ZPBP: variants seen among roughly 807,000 people sequenced by gnomAD.
The protein encoded by ZPBP is zona pellucida-binding protein 1.
ZPBP carries 26 observed loss-of-function variants against 44.8 expected under a neutral mutation model. The observed-to-expected ratio is 0.58, with a 90% CI of 0.43 to 0.81. The LOEUF is 0.81. Among genes scored for constraint, ZPBP ranks in the 30% least tolerant of loss-of-function variants. The probability of loss-of-function intolerance (pLI) is 0.00; values close to 1 mark genes in which losing one functional copy is unlikely to be tolerated. For missense variants in ZPBP, 409 were observed against 434.0 expected (o/e 0.94, Z 0.51); for synonymous variants, 174 against 153.2 (o/e 1.14, Z -1.00).
intron 6 of ZPBP, among the ~76,000 whole-genome samples, chr7:49,995,250 C>G (rs1207881061): frequency 6.6e-6 from 1 of 152,144 alleles, no homozygotes; most frequent in Non-Finnish European, 1.5e-5. Flanking sequence ...TCTCTGACAA[C>G]CAAATTATGA....
At chr7:49,984,403 T>A (rs957244152) in intron 6 of ZPBP, among the ~76,000 whole-genome samples, 6 of 152,218 alleles carry the variant, frequency 3.9e-5, no homozygotes, top group Admixed American at 3.3e-4. Context: ...TAAAATTATT[T>A]TCAGGTTATC....
At chr7:49,990,003 C>T (rs2128787240) in intron 6 of ZPBP, among the ~76,000 whole-genome samples, 1 of 152,248 alleles carries the variant, frequency 6.6e-6, no homozygotes, top group East Asian at 1.9e-4. Flanking sequence ...ACAGCTTCAC[C>T]TTAGCATTCA....
chr7:49,843,971 A>ATG, the ZPBP span, among the ~76,000 whole-genome samples: 2 of 152,202 alleles, frequency 1.3e-5, no homozygotes, highest in African/African-American at 4.8e-5. Context: ...ACAGGGGCCT[A>ATG]TGTGTAAGGG....
chr7:50,006,200 T>A (rs940840333), intron 6 of ZPBP, among the ~76,000 whole-genome samples: 10 of 151,798 alleles, frequency 6.6e-5, no homozygotes, highest in Admixed American at 5.9e-4. Flanking sequence ...TACCCCACTT[T>A]TAGTAATGGA....
intron 3 of ZPBP, among the ~76,000 whole-genome samples, chr7:50,071,188 T>C (rs1291330203): frequency 6.6e-6 from 1 of 152,074 alleles, no homozygotes; most frequent in Non-Finnish European, 1.5e-5. Context: ...GCAAATAGTG[T>C]CTCTGGATAC....
intron 7 of ZPBP, among the ~76,000 whole-genome samples, chr7:49,981,374 T>TAATATATA (rs1562819321): frequency 2.5e-4 from 1 of 3,970 alleles, no homozygotes; most frequent in African/African-American, 1.1e-3. Context: ...TAATTATATA[T>TAATATATA]ATTATATATA....
At chr7:49,847,237 TATA>T (rs1471345941), downstream of ZPBP, among the ~76,000 whole-genome samples, 2 of 144,724 alleles carry the variant, frequency 1.4e-5, no homozygotes, top group Non-Finnish European at 3.0e-5. Context: ...ATATAATATA[TATA>T]ATATAATATA....
At chr7:50,016,954 G>A (rs923412318) in intron 6 of ZPBP, among the ~76,000 whole-genome samples, 3 of 152,104 alleles carry the variant, frequency 2.0e-5, no homozygotes, top group Non-Finnish European at 4.4e-5. Flanking sequence ...GATAATATGT[G>A]AATTAATGAC....
In ZPBP at chr7:49,981,612, T is replaced by TATATAATTATATAAATTA. The variant is rs1478196193; in HGVS notation, c.961+1729_961+1730insTAATTTATATAATTATAT. Among the ~76,000 whole-genome samples the TATATAATTATATAAATTA allele has an allele frequency of 1.3e-3, 27 of 20,374 alleles. 5 individuals are homozygous for TATATAATTATATAAATTA. The highest frequency in any genetic ancestry group is 4.3e-3 in the African/African-American group (20 of 4,626). 13.4% of individuals were successfully genotyped at this position (20,374 alleles called of 152,430 possible). A position where few individuals can be genotyped will look rare whatever the true frequency, so the allele number is the denominator to read the frequency against. The stretch of plus-strand genomic sequence containing the variant: ...TTATATAATTATATAAATTATATAA[T>TATATAATTATATAAATTA]TATATTATATTATATTATATTATAT... On this transcript the variant is annotated intron_variant, in intron 7 of 7. Coordinates refer to ENST00000046087, the MANE Select transcript of ZPBP (RefSeq NM_007009.3).
At chr7:49,994,396 C>G (rs1486307893) in intron 6 of ZPBP, among the ~76,000 whole-genome samples, 1 of 152,216 alleles carries the variant, frequency 6.6e-6, no homozygotes. Flanking sequence ...GAATGGGGAA[C>G]ATGGGCATTT....
At chr7:50,066,254 T>G (rs1801496312) in intron 3 of ZPBP, among the ~76,000 whole-genome samples, 1 of 150,062 alleles carries the variant, frequency 6.7e-6, no homozygotes, top group Non-Finnish European at 1.5e-5. Flanking sequence ...AGCTATAAGC[T>G]CTCTTTCTTT....
At chr7:49,854,980 A>G (rs543256349) in intron 2 of ZPBP, among the ~76,000 whole-genome samples, 1 of 152,346 alleles carries the variant, frequency 6.6e-6, no homozygotes, top group Non-Finnish European at 1.5e-5. Flanking sequence ...TCATAAGAGT[A>G]GTGCCAAGCT....
At chr7:50,062,213 T>G (rs1456724195) in intron 3 of ZPBP, among the ~76,000 whole-genome samples, 1 of 152,080 alleles carries the variant, frequency 6.6e-6, no homozygotes, top group Non-Finnish European at 1.5e-5. Context: ...TGCTCATGGG[T>G]AGAAAGAATC....
At chr7:49,908,142 G>C (rs1793207127) in intron 1 of ZPBP, among the ~76,000 whole-genome samples, 1 of 152,164 alleles carries the variant, frequency 6.6e-6, no homozygotes, top group Admixed American at 6.5e-5. Context: ...CTAGAGTCAG[G>C]CTGGAATTTG....
At chr7:49,981,358 T>G (rs1195260801) in intron 7 of ZPBP, among the ~76,000 whole-genome samples, 1 of 9,998 alleles carries the variant, frequency 1.0e-4, no homozygotes, top group South Asian at 3.4e-3. Context: ...TAATATATAT[T>G]ATATATAATT....
chr7:49,953,570 C>T (rs2128759962), intron 7 of ZPBP, among the ~76,000 whole-genome samples: 1 of 152,148 alleles, frequency 6.6e-6, no homozygotes, highest in East Asian at 1.9e-4. Flanking sequence ...AAACAGCTTC[C>T]AAGAAATGCA....
chr7:50,059,894 C>A (rs1293056489), intron 3 of ZPBP, among the ~76,000 whole-genome samples: 3 of 151,952 alleles, frequency 2.0e-5, no homozygotes, highest in African/African-American at 4.8e-5. Context: ...CCAAGATAGC[C>A]AGCCAGCAAG....
intron 3 of ZPBP, among the ~76,000 whole-genome samples, chr7:50,069,719 C>T (rs1801736144): frequency 6.6e-6 from 1 of 152,066 alleles, no homozygotes; most frequent in South Asian, 2.1e-4. Context: ...CCTATTTCCT[C>T]CCTTGCAACG....
intron 1 of ZPBP, chr7:49,911,976 T>A: frequency 7.9e-7 from 1 of 1,263,146 alleles, no homozygotes. Flanking sequence ...TAATACCTAA[T>A]TATATATATT....
Sources: gnomAD v4.1 joint callset for allele counts (sites outside exome capture counted in the v4.1 genomes callset) on GRCh38, gnomAD v4.1.1 for gene constraint, MANE v1.5 for transcripts, NCBI Gene and HGNC (gene_info 2026-07-23, HGNC 2026-07-21) for gene names.